The following CDH12 variants were observed in gnomAD, a reference collection of about 807,000 sequenced individuals.
CDH12 encodes the protein cadherin-12.
In CDH12, 41 loss-of-function variants were observed where a neutral mutation model predicts 74.1. The ratio of observed to expected loss-of-function variants is 0.55; its 90% confidence interval spans 0.43 to 0.72. The LOEUF is 0.72. CDH12 is among the 30% of genes least tolerant of loss of function. CDH12 has a pLI of 0.00. For synonymous variants in CDH12, 399 were observed against 355.0 expected (o/e 1.12, Z -1.39); for missense variants, 945 against 977.2 (o/e 0.97, Z 0.44).
At chr5:21,844,382 T>C (rs1185726105) in intron 7 of CDH12, among the ~76,000 whole-genome samples, 1 of 152,192 alleles carries the variant, frequency 6.6e-6, no homozygotes, top group Non-Finnish European at 1.5e-5. Flanking sequence ...TACATTATTT[T>C]TCCTCTGGAA....
intron 9 of CDH12, among the ~76,000 whole-genome samples, chr5:21,810,744 G>T (rs913258786): frequency 3.3e-5 from 5 of 151,252 alleles, no homozygotes; most frequent in Non-Finnish European, 5.9e-5. Context: ...AGAAACAACA[G>T]CATTCATGTG....
chr5:22,751,339 C>T (rs983089761), intron 1 of CDH12, among the ~76,000 whole-genome samples: 11 of 145,254 alleles, frequency 7.6e-5, no homozygotes, highest in African/African-American at 2.0e-4. Flanking sequence ...ATATAATATA[C>T]ATATATATAT....
At chr5:21,757,424 C>T (rs1744463182) in intron 13 of CDH12, among the ~76,000 whole-genome samples, 1 of 152,096 alleles carries the variant, frequency 6.6e-6, no homozygotes, top group Non-Finnish European at 1.5e-5. Context: ...GATCTGTCCA[C>T]CTTGGCCTCC....
At chr5:22,463,590 A>T (rs932762654) in intron 2 of CDH12, among the ~76,000 whole-genome samples, 3 of 152,124 alleles carry the variant, frequency 2.0e-5, no homozygotes, top group African/African-American at 7.2e-5. Context: ...AAATTAAATG[A>T]GGTATAAAGT....
At chr5:22,744,407 C>T (rs982860394) in intron 1 of CDH12, among the ~76,000 whole-genome samples, 10 of 150,154 alleles carry the variant, frequency 6.7e-5, no homozygotes, top group African/African-American at 2.2e-4. Context: ...CCAGCCTGGG[C>T]GACAGAGTGA....
At chr5:22,819,635 A>T (rs532173899) in intron 1 of CDH12, among the ~76,000 whole-genome samples, 1 of 152,000 alleles carries the variant, frequency 6.6e-6, no homozygotes, top group Admixed American at 6.6e-5. Context: ...ATACATATAC[A>T]CCCACATCAG....
At position 22,816,249 on chromosome 5, in the gene CDH12, A is replaced by G. The variant is rs563428914; in HGVS notation, c.-523+36809T>C. Among the ~76,000 whole-genome samples the G allele has an allele frequency of 2.6e-5, 4 of 152,266 alleles. No homozygotes were observed. In the South Asian group the frequency reaches 8.3e-4, roughly 32 times the overall value. On this transcript the variant is annotated intron_variant, in intron 1 of 14. Coordinates refer to ENST00000382254, the MANE Select transcript of CDH12 (RefSeq NM_004061.5). ...CTTCTTTGTGAAAAGTGGTTCTGTT[A>G]TTATCACCAATGAACAGAAGAAAGA...
chr5:22,395,864 C>T (rs1742436331), intron 3 of CDH12, among the ~76,000 whole-genome samples: 1 of 152,102 alleles, frequency 6.6e-6, no homozygotes, highest in South Asian at 2.1e-4. Flanking sequence ...TCTCTGAGAA[C>T]ATTAAGCCAG....
At chr5:22,426,156 C>T (rs1171764844) in intron 2 of CDH12, among the ~76,000 whole-genome samples, 1 of 147,960 alleles carries the variant, frequency 6.8e-6, no homozygotes, top group Non-Finnish European at 1.5e-5. Flanking sequence ...CACTGCACTC[C>T]AGCCTGGTGA....
At chr5:22,756,057 T>G (rs1379178029) in intron 1 of CDH12, among the ~76,000 whole-genome samples, 3 of 147,648 alleles carry the variant, frequency 2.0e-5, no homozygotes, top group Non-Finnish European at 4.5e-5. Flanking sequence ...AATGACAGAT[T>G]TGAAAGTGCT....
At chr5:22,439,818 TAGGCAGTATCATCA>T (rs1287787648) in intron 2 of CDH12, among the ~76,000 whole-genome samples, 1 of 152,108 alleles carries the variant, frequency 6.6e-6, no homozygotes, top group Admixed American at 6.6e-5. Context: ...TACCCTGAAT[TAGGCAGTATCATCA>T]GATTGCTTTC....
At chr5:22,111,572 T>C (rs1017771621) in intron 4 of CDH12, among the ~76,000 whole-genome samples, 1 of 152,186 alleles carries the variant, frequency 6.6e-6, no homozygotes, top group Admixed American at 6.6e-5. Context: ...CCCTGCACAG[T>C]TGCACTTTTA....
At chr5:22,017,366 A>T (rs1409193613) in intron 5 of CDH12, among the ~76,000 whole-genome samples, 1 of 152,086 alleles carries the variant, frequency 6.6e-6, no homozygotes, top group African/African-American at 2.4e-5. Flanking sequence ...TTCCAGATAA[A>T]GGGAACTGTA....
chr5:22,023,569 TTCTC>T lies in CDH12; in HGVS notation c.232-48188_232-48185del, dbSNP rs79396717. 1.8e-3 allele frequency among the ~76,000 whole-genome samples: 271 copies of T among 150,708 alleles called. 1 individual carries two copies. The highest frequency in any genetic ancestry group is 3.1e-3 in the Non-Finnish European group (210 of 67,884). On this transcript the variant is annotated intron_variant, in intron 5 of 14. Transcript: ENST00000382254. ...TTGTATATATATATACACACGAATA[TTCTC>T]TCTCTCTATATATATATATACACAC...
intron 1 of CDH12, among the ~76,000 whole-genome samples, chr5:22,714,891 C>T (rs79832208): frequency 0.01 from 1,555 of 152,268 alleles, 20 homozygotes; most frequent in African/African-American, 0.036. Context: ...AGATGTAAAA[C>T]TCCTTTTTTG....
intron 5 of CDH12, among the ~76,000 whole-genome samples, chr5:22,050,115 CAA>C (rs961975542): frequency 2.1e-4 from 32 of 152,136 alleles, no homozygotes; most frequent in African/African-American, 7.2e-4. Flanking sequence ...AGAGTTTCCT[CAA>C]AAGTCCATAT....
intron 6 of CDH12, among the ~76,000 whole-genome samples, chr5:21,927,917 A>C (rs1022424229): frequency 2.0e-5 from 3 of 151,966 alleles, no homozygotes; most frequent in Admixed American, 6.5e-5. Context: ...AAAATACAAA[A>C]AAAAATTAGC....
intron 2 of CDH12, among the ~76,000 whole-genome samples, chr5:22,454,185 A>G (rs1434460294): frequency 6.6e-6 from 1 of 152,178 alleles, no homozygotes; most frequent in African/African-American, 2.4e-5. Context: ...GTCATTAGAA[A>G]TCAAAAATCT....
chr5:22,832,367 G>A (rs141674344), intron 1 of CDH12, among the ~76,000 whole-genome samples: 2 of 152,184 alleles, frequency 1.3e-5, no homozygotes, highest in Non-Finnish European at 2.9e-5. Flanking sequence ...GGGAGTAACG[G>A]TGTCACAAGT....
Sources: allele counts gnomAD v4.1 joint callset (sites outside exome capture counted in the v4.1 genomes callset), GRCh38; gene constraint gnomAD v4.1.1; transcripts MANE v1.5; gene names NCBI Gene and HGNC (gene_info 2026-07-23, HGNC 2026-07-21).